The following EPHX4 variants were observed in gnomAD, a reference collection of about 807,000 sequenced individuals.
EPHX4 encodes epoxide hydrolase 4.
EPHX4 carries 31 observed loss-of-function variants against 44.9 expected under a neutral mutation model. The observed-to-expected ratio is 0.69, with a 90% CI of 0.52 to 0.93. The LOEUF is 0.93. Among genes scored for constraint, EPHX4 ranks in the 40% least tolerant of loss-of-function variants. EPHX4 has a pLI of 0.00. For synonymous variants in EPHX4, 151 were observed against 159.7 expected, an observed-to-expected ratio of 0.95 and a Z score of 0.41; for missense variants, 373 against 438.1, an observed-to-expected ratio of 0.85 and a Z score of 1.33.
intron 6 of EPHX4, among the ~76,000 whole-genome samples, chr1:92,058,302 G>A (rs1173498246): frequency 3.3e-5 from 5 of 151,960 alleles, no homozygotes; most frequent in South Asian, 2.1e-4. Flanking sequence ...TTGGCCAGGC[G>A]TGGTGGTGCA....
At chr1:92,032,635 T>C (rs1465741426) in intron 2 of EPHX4, 45 bp downstream of exon 2, 1 of 1,495,292 alleles carries the variant, frequency 6.7e-7, no homozygotes, top group Non-Finnish European at 9.3e-7. Context: ...AAACTTGGCT[T>C]ATTTTCTCAG....
intron 4 of EPHX4, among the ~76,000 whole-genome samples, chr1:92,045,922 G>GA (rs1475521732): frequency 6.6e-6 from 1 of 152,124 alleles, no homozygotes; most frequent in African/African-American, 2.4e-5. Flanking sequence ...GGGATAAAGG[G>GA]AAACATACAA....
intron 6 of EPHX4, among the ~76,000 whole-genome samples, chr1:92,060,243 G>GA (rs1047973039): frequency 1.3e-5 from 2 of 150,992 alleles, no homozygotes; most frequent in South Asian, 2.1e-4. Flanking sequence ...AATGTGTCTA[G>GA]AAAAAAAAAT....
At chr1:92,057,250 C>A (rs937990070) in intron 6 of EPHX4, among the ~76,000 whole-genome samples, 3 of 151,624 alleles carry the variant, frequency 2.0e-5, no homozygotes, top group Non-Finnish European at 4.4e-5. Context: ...AAACCAAAAA[C>A]TGATTATATG....
chr1:92,052,214 A>C (rs1306148049), intron 5 of EPHX4, among the ~76,000 whole-genome samples: 4 of 152,204 alleles, frequency 2.6e-5, no homozygotes, highest in Non-Finnish European at 5.9e-5. Flanking sequence ...CATTTATCCA[A>C]GGAACTCTTG....
intron 2 of EPHX4, among the ~76,000 whole-genome samples, chr1:92,035,719 G>C (rs754389454): frequency 1.3e-5 from 2 of 152,112 alleles, no homozygotes; most frequent in Non-Finnish European, 2.9e-5. Flanking sequence ...CGTCATGTAG[G>C]TATTAAGTCC....
At chr1:92,038,976 GATA>G (rs1042608388) in intron 2 of EPHX4, among the ~76,000 whole-genome samples, 88 of 152,216 alleles carry the variant, frequency 5.8e-4, no homozygotes, top group African/African-American at 2.0e-3. Context: ...GTTAAGTGAA[GATA>G]ATAATAATAT....
At chr1:92,052,988 A>T (rs968237859) in intron 6 of EPHX4, among the ~76,000 whole-genome samples, 1 of 152,224 alleles carries the variant, frequency 6.6e-6, no homozygotes, top group Admixed American at 6.5e-5. Flanking sequence ...TTTATTAACC[A>T]CTATGTTCTG....
rs193185549 is a variant in EPHX4 at position 92,040,282 on chromosome 1, C to T, written c.318-2541C>T. ...ACTCTGCCGCCTGGGCTTAAGCCAT[C>T]GTCCCACCTCAGGCTCCTGAGTATA... On this transcript the variant is annotated intron_variant, in intron 2 of 6. Coordinates refer to ENST00000370383, the MANE Select transcript of EPHX4 (RefSeq NM_173567.5). Among the ~76,000 whole-genome samples the T allele has an allele frequency of 2.3e-3, 345 of 148,026 alleles. 1 individual carries two copies. The highest frequency in any genetic ancestry group is 2.9e-3 in the Non-Finnish European group (193 of 67,570).
chr1:92,042,761 C>CTGTAATGT (rs1193845018), intron 2 of EPHX4, 62 bp from the exon 3 acceptor site: 2 of 996,474 alleles, frequency 2.0e-6, no homozygotes, highest in African/African-American at 3.4e-5. Flanking sequence ...AAAAGAAAAT[C>CTGTAATGT]TGTAATGTTA....
At chr1:92,057,981 A>G (rs1018375607) in intron 6 of EPHX4, among the ~76,000 whole-genome samples, 1 of 152,218 alleles carries the variant, frequency 6.6e-6, no homozygotes, top group Non-Finnish European at 1.5e-5. Context: ...GTTTCAGCTC[A>G]TCTTGTGAGG....
chr1:92,038,338 C>T (rs941605961), intron 2 of EPHX4, among the ~76,000 whole-genome samples: 5 of 152,162 alleles, frequency 3.3e-5, no homozygotes, highest in African/African-American at 1.2e-4. Flanking sequence ...AAATTGAATA[C>T]AAATTCCCCA....
chr1:92,035,661 T>C (rs1443956367), intron 2 of EPHX4, among the ~76,000 whole-genome samples: 3 of 152,214 alleles, frequency 2.0e-5, no homozygotes, highest in African/African-American at 7.2e-5. Context: ...CATGCAGGTT[T>C]GTTACATGGT....
At chr1:92,034,390 A>T (rs1688406747) in intron 2 of EPHX4, among the ~76,000 whole-genome samples, 1 of 152,062 alleles carries the variant, frequency 6.6e-6, no homozygotes, top group African/African-American at 2.4e-5. Flanking sequence ...AATAGTTCAT[A>T]AACTAAATAG....
At chr1:92,041,866 C>A (rs1239933974) in intron 2 of EPHX4, among the ~76,000 whole-genome samples, 1 of 152,038 alleles carries the variant, frequency 6.6e-6, no homozygotes. Context: ...CATGGAGAAA[C>A]CCTGTCTCTA....
At chr1:92,058,499 A>AAT (rs1299197517) in intron 6 of EPHX4, among the ~76,000 whole-genome samples, 1 of 152,142 alleles carries the variant, frequency 6.6e-6, no homozygotes, top group Admixed American at 6.6e-5. Context: ...TAAAGGGGAA[A>AAT]ATATGAACAG....
intron 6 of EPHX4, among the ~76,000 whole-genome samples, chr1:92,058,842 C>A (rs771028866): frequency 6.6e-6 from 1 of 152,082 alleles, no homozygotes; most frequent in African/African-American, 2.4e-5. Context: ...GTAAGTAATA[C>A]GTTTGTAGTA....
chr1:92,045,307 A>G (rs1212440807), intron 3 of EPHX4, among the ~76,000 whole-genome samples: 1 of 151,212 alleles, frequency 6.6e-6, no homozygotes, highest in East Asian at 1.9e-4. Flanking sequence ...TTTTTTTTTA[A>G]TATGGATTCC....
At chr1:92,032,773 T>C (rs1688380528) in intron 2 of EPHX4, among the ~76,000 whole-genome samples, 183 bp downstream of exon 2, 1 of 152,144 alleles carries the variant, frequency 6.6e-6, no homozygotes, top group Non-Finnish European at 1.5e-5. Context: ...AAGGGCCTCC[T>C]TGCTGCAACA....
Sources: gnomAD v4.1 joint callset for allele counts (sites outside exome capture counted in the v4.1 genomes callset) on GRCh38, gnomAD v4.1.1 for gene constraint, MANE v1.5 for transcripts, NCBI Gene and HGNC (gene_info 2026-07-23, HGNC 2026-07-21) for gene names.